Variants in DENND2A observed in about 807,000 individuals in gnomAD.
DENND2A encodes the protein DENN domain containing 2A.
In DENND2A, 53 loss-of-function variants were observed where a neutral mutation model predicts 105.3. That is an observed-to-expected ratio of 0.50 (90% CI 0.40 to 0.63). The LOEUF is 0.63. DENND2A is among the 30% of genes least tolerant of loss of function. The probability of loss-of-function intolerance (pLI) is 0.00; values close to 1 mark genes in which losing one functional copy is unlikely to be tolerated. For synonymous variants in DENND2A, 522 were observed against 508.4 expected (o/e 1.03, Z -0.36); for missense variants, 1,138 against 1,279.6 (o/e 0.89, Z 1.69).
intron 14 of DENND2A, among the ~76,000 whole-genome samples, chr7:140,528,760 C>CA (rs555432046): frequency 0.23 from 22,883 of 100,082 alleles, 3,161 homozygotes; most frequent in African/African-American, 0.46. Flanking sequence ...AACTCCATCT[C>CA]AAAAAAAAAA....
chr7:140,605,474 T>C (rs577155839), intron 2 of DENND2A, among the ~76,000 whole-genome samples: 2 of 152,226 alleles, frequency 1.3e-5, no homozygotes, highest in Admixed American at 1.3e-4. Flanking sequence ...AGGGCTAAAG[T>C]TACCAAGGGA....
At chr7:140,560,449 CCTCT>C (rs140646476) in intron 9 of DENND2A, among the ~76,000 whole-genome samples, 3 of 151,266 alleles carry the variant, frequency 2.0e-5, no homozygotes, top group Admixed American at 6.6e-5. Context: ...ATCTTTTTTT[CCTCT>C]CTCTCTCTCT....
intron 3 of DENND2A, among the ~76,000 whole-genome samples, chr7:140,594,601 A>G (rs1262804517): frequency 6.6e-6 from 1 of 152,116 alleles, no homozygotes; most frequent in Non-Finnish European, 1.5e-5. Context: ...CCTTCCAACT[A>G]TTACTGGTCT....
At chr7:140,542,572 T>C (rs1796709832) in intron 14 of DENND2A, among the ~76,000 whole-genome samples, 1 of 139,208 alleles carries the variant, frequency 7.2e-6, no homozygotes, top group Non-Finnish European at 1.5e-5. Context: ...TCTCTTTTTT[T>C]TTTTTTTTTT....
At chr7:140,638,438 T>C (rs1801035505) in intron 1 of DENND2A, among the ~76,000 whole-genome samples, 1 of 152,216 alleles carries the variant, frequency 6.6e-6, no homozygotes, top group South Asian at 2.1e-4. Flanking sequence ...CCTGGCATCC[T>C]TTCAGTTTCT....
At chr7:140,591,799 TTCTTTC>T (rs1201305253) in intron 3 of DENND2A, among the ~76,000 whole-genome samples, 1 of 150,742 alleles carries the variant, frequency 6.6e-6, no homozygotes, top group African/African-American at 2.4e-5. Flanking sequence ...TTTCTTTTCT[TTCTTTC>T]TTTTTCCTTC....
At chr7:140,556,686 A>T (rs886535650) in intron 11 of DENND2A, among the ~76,000 whole-genome samples, 1 of 152,182 alleles carries the variant, frequency 6.6e-6, no homozygotes, top group Non-Finnish European at 1.5e-5. Flanking sequence ...CAAAATTATT[A>T]TCTCACTTAC....
chr7:140,552,973 G>T (rs1210228641), intron 12 of DENND2A, among the ~76,000 whole-genome samples: 4 of 152,128 alleles, frequency 2.6e-5, no homozygotes, highest in Non-Finnish European at 5.9e-5. Flanking sequence ...TTATAGAAAT[G>T]CTTTTAGGGG....
At chr7:140,637,523 G>T (rs1052916043) in intron 1 of DENND2A, among the ~76,000 whole-genome samples, 1 of 152,144 alleles carries the variant, frequency 6.6e-6, no homozygotes, top group African/African-American at 2.4e-5. Flanking sequence ...TAGCAAACAA[G>T]ATTTCCACCC....
chr7:140,615,385 C>T (rs1297974140), intron 1 of DENND2A, among the ~76,000 whole-genome samples: 2 of 152,158 alleles, frequency 1.3e-5, no homozygotes, highest in East Asian at 1.9e-4. Flanking sequence ...GCGGCCTGCA[C>T]CCTTCTTGGA....
At chr7:140,572,973 G>A (rs1485883757) in intron 6 of DENND2A, among the ~76,000 whole-genome samples, 2 of 152,088 alleles carry the variant, frequency 1.3e-5, no homozygotes, top group East Asian at 3.9e-4. Context: ...AACATTATCA[G>A]CAGCGATGGG....
rs182310674 is a variant in DENND2A, at chr7:140,601,440, G to A, written c.958C>T (p.Leu320=). The A allele has an allele frequency of 3.5e-4, 557 of 1,611,808 alleles. No individual in the cohort carries two copies. The East Asian group carries it at 4.2e-3, about 12-fold the overall frequency. ...CTGGATTTCTGTCTCCCGGTCCACA[G>A]TCTTCTGTTCACAGAGGAAGGTGGG... The part of the protein sequence containing the change: ...SPPPSSVNRR[L]WTGRQKSSAD... Residue 320 remains leucine (L), a synonymous_variant, in exon 3 of 20, where the codon CTG becomes TTG. Coordinates refer to ENST00000496613, the MANE Select transcript of DENND2A (RefSeq NM_015689.5).
chr7:140,589,025 G>T (rs1798904423), intron 3 of DENND2A, among the ~76,000 whole-genome samples: 2 of 152,140 alleles, frequency 1.3e-5, no homozygotes, highest in Non-Finnish European at 2.9e-5. Flanking sequence ...TTACAGGCGT[G>T]AGCCACTGTG....
At chr7:140,549,446 C>T (rs1036528829) in intron 12 of DENND2A, among the ~76,000 whole-genome samples, 9 of 152,052 alleles carry the variant, frequency 5.9e-5, no homozygotes, top group South Asian at 2.1e-4. Context: ...TTAGTAGAGA[C>T]GGAATTTTGC....
At chr7:140,637,991 C>T (rs937024743) in intron 1 of DENND2A, among the ~76,000 whole-genome samples, 4 of 151,958 alleles carry the variant, frequency 2.6e-5, no homozygotes, top group African/African-American at 9.7e-5. Context: ...GTGCAGTTCA[C>T]TCCCCTAGAC....
intron 1 of DENND2A, among the ~76,000 whole-genome samples, chr7:140,620,180 AGTAAGACTCTG>A (rs1428309434): frequency 6.6e-6 from 1 of 152,090 alleles, no homozygotes; most frequent in Non-Finnish European, 1.5e-5. Context: ...TGAGCGACAG[AGTAAGACTCTG>A]TCTCAAAAAA....
intron 14 of DENND2A, among the ~76,000 whole-genome samples, chr7:140,533,270 C>T (rs1366021838): frequency 6.6e-6 from 1 of 152,142 alleles, no homozygotes; most frequent in Non-Finnish European, 1.5e-5. Context: ...GGATTACAGG[C>T]GTGAGCCACT....
intron 15 of DENND2A, 108 bp from the exon 16 acceptor site, chr7:140,525,900 G>T (rs1796037911): frequency 1.1e-6 from 1 of 901,050 alleles, no homozygotes; most frequent in African/African-American, 1.7e-5. Flanking sequence ...CTGGGGCGGG[G>T]CTGGAGGTGA....
rs866315552 is a variant in DENND2A at position 140,601,571 on chromosome 7, G to C, written c.827C>G (p.Ala276Gly). ...LPKPRRTFKHAGEGDKDGKPG... is the reference protein window; with the variant it reads ...LPKPRRTFKHGGEGDKDGKPG... Reference sequence around the variant, plus strand: ...CTTCCCATCTTTGTCCCCTTCTCCGGCATGTTTGAACGTTCTCCGGGGTTT... The same window carrying C: ...CTTCCCATCTTTGTCCCCTTCTCCGCCATGTTTGAACGTTCTCCGGGGTTT... Residue 276 changes from alanine to glycine, a missense_variant, in exon 3 of 20, where the codon GCC becomes GGC. Transcript: ENST00000496613. 6.2e-7 allele frequency: 1 copy of C among 1,614,128 alleles called. No homozygotes were observed. The highest frequency in any genetic ancestry group is 8.5e-7 in the Non-Finnish European group (1 of 1,180,018).
Sources: gnomAD v4.1 joint callset for allele counts (sites outside exome capture counted in the v4.1 genomes callset) on GRCh38, gnomAD v4.1.1 for gene constraint, MANE v1.5 for transcripts, NCBI Gene and HGNC (gene_info 2026-07-23, HGNC 2026-07-21) for gene names.